The following AGBL5 variants were observed in gnomAD, a reference collection of about 807,000 sequenced individuals.
AGBL5 encodes cytosolic carboxypeptidase-like protein 5.
A neutral mutation model predicts 88.0 loss-of-function variants in AGBL5; 51 were observed. The ratio of observed to expected loss-of-function variants is 0.58; its 90% CI spans 0.46 to 0.73. AGBL5 has a LOEUF of 0.73. Among genes scored for constraint, AGBL5 ranks in the 30% least tolerant of loss-of-function variants. AGBL5 has a pLI of 0.00. For missense variants in AGBL5, 1,031 were observed against 1,162.2 expected, an observed-to-expected ratio of 0.89 and a Z score of 1.64; for synonymous variants, 446 against 438.8, an observed-to-expected ratio of 1.02 and a Z score of -0.21.
chr2:27,054,727 C>G lies in AGBL5; in HGVS notation c.649C>G (p.Arg217Gly). Residue 217 changes from arginine (R) to glycine (G), a missense_variant, in exon 5 of 15, where the codon CGA (arginine) becomes GGA (glycine). Arg to Gly is a moderately radical substitution (Grantham distance 125). This residue lies in a region of AGBL5 where 540 missense variants were observed against 678.2 expected (regional missense o/e 0.80). Coordinates refer to ENST00000360131, the MANE Select transcript of AGBL5 (RefSeq NM_021831.6). ...LLTITSCHGL[R>G]EDREPRLEQL... ...GACGATCACTTCCTGCCATGGGCTTCGAGAAGATCGAGAGCCCCGTCTAGA... is the reference window on the plus strand; with the variant it reads ...GACGATCACTTCCTGCCATGGGCTTGGAGAAGATCGAGAGCCCCGTCTAGA... 1 of 1,613,442 alleles carries G rather than the reference C, an allele frequency of 6.2e-7. No individual in the cohort carries two copies. The highest frequency in any genetic ancestry group is 8.5e-7 in the Non-Finnish European group (1 of 1,179,770).
chr2:27,053,857 T>C lies in AGBL5; in HGVS notation c.388-39T>C, dbSNP rs1198279196. The stretch of plus-strand genomic sequence containing the variant: ...CCCAGTAGGAGCTCAGTTCTGACAA[T>C]GGCATGTTGCCCCTCCCTCTTCCTC... On this transcript the variant is annotated intron_variant, in intron 3 of 14. Coordinates refer to ENST00000360131, the MANE Select transcript of AGBL5 (RefSeq NM_021831.6). The surrounding 1 kb of genome is among the most constrained non-coding windows in gnomAD (Gnocchi z 4.9). 6.3e-7 allele frequency: 1 copy of C among 1,585,726 alleles called. No individual in the cohort carries two copies. Among genetic ancestry groups the C allele is most frequent in the East Asian group, 2.2e-5 (1 of 44,524 alleles).
rs530877700 is a variant in AGBL5 at position 27,069,834 on chromosome 2, A to G, written c.2489+128A>G. On this transcript the variant is annotated intron_variant, in intron 14 of 14. Coordinates refer to ENST00000360131, the MANE Select transcript of AGBL5 (RefSeq NM_021831.6). Reference sequence around the variant, plus strand: ...CACAAAGACTAAATGTACTTCCATTAAGAATCTAGTCCCTGATTTTTTTTT... The same window carrying G: ...CACAAAGACTAAATGTACTTCCATTGAGAATCTAGTCCCTGATTTTTTTTT... 13 of 1,467,552 alleles carry G rather than the reference A, an allele frequency of 8.9e-6. No individual in the cohort carries two copies. In the South Asian group the frequency reaches 1.3e-4, roughly 14 times the overall value. The allele number at this position is 1,467,552 out of a possible 1,614,324, so 90.9% of individuals were successfully genotyped here.
Position 27,053,935 on chromosome 2 carries a change from T to C in AGBL5, c.427T>C (p.Phe143Leu), listed in dbSNP as rs753974793. The change falls in exon 4 of 15, where the codon TTC (phenylalanine) becomes CTC (leucine). Residue 143 changes from phenylalanine to leucine, a missense_variant. Physicochemically the swap from Phe to Leu is conservative, Grantham distance 22. Around this residue, in one of 2 missense-constraint regions of AGBL5, gnomAD observed 540 missense variants for 678.2 expected, o/e 0.80. Coordinates refer to ENST00000360131, the MANE Select transcript of AGBL5 (RefSeq NM_021831.6). This position sits in a 1 kb window ranked among gnomAD's most constrained non-coding sequence, Gnocchi z 4.9. ...TQFVLSFVHR[F>L]VEGRGATTFF... ...GTTTGTGTTATCCTTTGTTCATCGTTTCGTGGAGGGCCGTGGGGCCACCAC... is the reference window on the plus strand; with the variant it reads ...GTTTGTGTTATCCTTTGTTCATCGTCTCGTGGAGGGCCGTGGGGCCACCAC... 34 of 1,614,026 alleles carry C rather than the reference T, an allele frequency of 2.1e-5. No individual in the cohort carries two copies. Among genetic ancestry groups the C allele is most frequent in the Non-Finnish European group, 2.8e-5 (33 of 1,180,016 alleles).
chr2:27,066,991 G>A (rs1421338621), intron 11 of AGBL5, among the ~76,000 whole-genome samples: 1 of 151,926 alleles, frequency 6.6e-6, no homozygotes, highest in Non-Finnish European at 1.5e-5. Flanking sequence ...CCTGAGGCAG[G>A]AGAATCGCTT....
chr2:27,070,037 A>C, intron 14 of AGBL5, 55 bp from the exon 15 acceptor site: 1 of 1,571,356 alleles, frequency 6.4e-7, no homozygotes, highest in Non-Finnish European at 8.7e-7. Context: ...GGTTAGCAGA[A>C]CAGAAGAGGA....
At chr2:27,061,068 T>A (rs1668693423) in intron 11 of AGBL5, 1 of 152,116 alleles carries the variant, frequency 6.6e-6, no homozygotes, top group African/African-American at 2.4e-5. Context: ...TCTTTTCCTT[T>A]CCTTCTTTTT....
intron 12 of AGBL5, chr2:27,067,885 C>G (rs1669075206): frequency 1.7e-6 from 1 of 571,656 alleles, no homozygotes; most frequent in Non-Finnish European, 3.2e-6. Context: ...CACTTAATCT[C>G]ATTTTATCAG....
chr2:27,051,240 C>A (rs1014563377), upstream of AGBL5, among the ~76,000 whole-genome samples: 1 of 152,200 alleles, frequency 6.6e-6, no homozygotes, highest in African/African-American at 2.4e-5. Context: ...TGGTAGAGCG[C>A]TCGCTTAGCA....
intron 6 of AGBL5, 59 bp downstream of exon 6, chr2:27,055,312 CAG>C (rs1364443250): frequency 1.3e-6 from 2 of 1,570,016 alleles, no homozygotes; most frequent in Non-Finnish European, 1.7e-6. Flanking sequence ...CCCTGCATCT[CAG>C]TGAAATTCTG....
Position 27,070,530 on chromosome 2 carries a change from A to C in AGBL5, c.*267A>C. 1 of 452,338 alleles carries C rather than the reference A, an allele frequency of 2.2e-6. No homozygotes were observed. Among genetic ancestry groups the C allele is most frequent in the Non-Finnish European group, 4.0e-6 (1 of 249,574 alleles). The allele number at this position is 452,338 out of a possible 1,614,324, so 28.0% of individuals were successfully genotyped here. On this transcript the variant is annotated 3_prime_UTR_variant, in exon 15 of 15. Coordinates refer to ENST00000360131, the MANE Select transcript of AGBL5 (RefSeq NM_021831.6). ...TATTGGGGGGAGGGAGTAGAAAAGC[A>C]AGCCCCTATACTGGGCCCTATTCAG...
At chr2:27,056,283 G>C (rs1334675223) in intron 7 of AGBL5, 145 bp downstream of exon 7, 5 of 805,198 alleles carry the variant, frequency 6.2e-6, no homozygotes, top group South Asian at 5.4e-5. Flanking sequence ...GCTTTGAAGG[G>C]CCAAGAAGAG....
chr2:27,050,601 G>C (rs567789138), upstream of AGBL5, among the ~76,000 whole-genome samples: 2 of 152,268 alleles, frequency 1.3e-5, no homozygotes, highest in Non-Finnish European at 2.9e-5. Flanking sequence ...TCTGGCCTGA[G>C]AACCCGGACT....
In AGBL5 at chr2:27,055,733, C is replaced by A; in HGVS notation, c.960C>A (p.Ala320=). ...ACCGTCAGTACCTGAAGCCTGATGCCGTCCTGCACCCGGCCATCTATGGGG... is the reference window on the plus strand; with the variant it reads ...ACCGTCAGTACCTGAAGCCTGATGCAGTCCTGCACCCGGCCATCTATGGGG... The part of the protein sequence containing the change: ...NLNRQYLKPD[A]VLHPAIYGAK... The change falls in exon 7 of 15, where the codon GCC becomes GCA. Residue 320 remains alanine (A), a synonymous_variant. Transcript: ENST00000360131. The A allele has an allele frequency of 6.2e-7, 1 of 1,614,106 alleles. No homozygotes were observed. Among genetic ancestry groups the A allele is most frequent in the South Asian group, 1.1e-5 (1 of 91,082 alleles).
upstream of AGBL5, among the ~76,000 whole-genome samples, chr2:27,050,492 G>A (rs913261435): frequency 4.6e-5 from 7 of 152,256 alleles, no homozygotes; most frequent in Non-Finnish European, 8.8e-5. Flanking sequence ...CCAGGAGGCG[G>A]CGGCGGGCTC....
rs1025906721 is a variant in AGBL5 at position 27,070,344 on chromosome 2, C to T, written c.*81C>T. On this transcript the variant is annotated 3_prime_UTR_variant, in exon 15 of 15. Transcript: ENST00000360131. ...AATATGCTAGTTCCCCTCCAGGCCGCTGATTCCATGTGACAGCCGTTAAGT... is the reference window on the plus strand; with the variant it reads ...AATATGCTAGTTCCCCTCCAGGCCGTTGATTCCATGTGACAGCCGTTAAGT... 6.2e-6 allele frequency: 9 copies of T among 1,447,854 alleles called. No homozygotes were observed. The African/African-American group carries it at 8.3e-5, about 13-fold the overall frequency. 89.7% of individuals were successfully genotyped at this position (1,447,854 alleles called of 1,614,324 possible).
intron 13 of AGBL5, chr2:27,068,992 T>C (rs1669135446): frequency 1.4e-6 from 2 of 1,452,612 alleles, no homozygotes; most frequent in Admixed American, 4.2e-5. Context: ...AACCTTAGCC[T>C]GCTAGCTTTG....
intron 8 of AGBL5, 44 bp from the exon 9 acceptor site, chr2:27,057,259 G>A (rs6721395): frequency 0.68 from 1,077,444 of 1,575,190 alleles, 375,108 homozygotes; most frequent in East Asian, 0.94. Flanking sequence ...TTCTGTCCTG[G>A]TATCTGTTCA....
At chr2:27,058,175 A>G (rs548999983) in intron 9 of AGBL5, among the ~76,000 whole-genome samples, 3 of 152,302 alleles carry the variant, frequency 2.0e-5, no homozygotes, top group South Asian at 4.1e-4. Flanking sequence ...AAGAAAGGAC[A>G]CACTTTGCCC....
intron 14 of AGBL5, 72 bp from the exon 15 acceptor site, chr2:27,070,020 A>G (rs1572839565): frequency 1.3e-6 from 2 of 1,548,606 alleles, no homozygotes; most frequent in East Asian, 4.5e-5. Context: ...TTCACTTCCC[A>G]GCCCCTGGTT....
Sources: gnomAD v4.1 joint callset for allele counts (sites outside exome capture counted in the v4.1 genomes callset) on GRCh38, gnomAD v4.1.1 for gene constraint, gnomAD v4.1.1 regional missense constraint, Gnocchi (gnomAD v3.1) non-coding constraint, MANE v1.5 for transcripts, NCBI Gene and HGNC (gene_info 2026-07-23, HGNC 2026-07-21) for gene names.